Variants in CYP1B1 observed in about 807,000 individuals in gnomAD.
CYP1B1 encodes the protein cytochrome P450 family 1 subfamily B member 1, also known as cytochrome P450 1B1.
A neutral mutation model predicts 29.9 loss-of-function variants in CYP1B1; 22 were observed. The ratio of observed to expected loss-of-function variants is 0.74; its 90% CI spans 0.53 to 1.05. The LOEUF (loss-of-function observed/expected upper bound fraction) is 1.05. Among genes scored for constraint, CYP1B1 ranks in the 50% least tolerant of loss-of-function variants. The pLI, the probability that CYP1B1 is intolerant of heterozygous loss-of-function variation, is 0.00. For synonymous variants in CYP1B1, 375 were observed against 320.0 expected (o/e 1.17, Z -1.83); for missense variants, 883 against 746.9 (o/e 1.18, Z -2.12).
At chr2:38,071,559 T>C (rs1682433755) in intron 2 of CYP1B1, among the ~76,000 whole-genome samples, 1 of 152,202 alleles carries the variant, frequency 6.6e-6, no homozygotes, top group Non-Finnish European at 1.5e-5. Context: ...TTTCCCATTA[T>C]AAGTCAAAAA....
chr2:38,072,449 T>C (rs1034842914), intron 2 of CYP1B1, among the ~76,000 whole-genome samples: 1 of 152,128 alleles, frequency 6.6e-6, no homozygotes, highest in Non-Finnish European at 1.5e-5. Context: ...TGATTATATA[T>C]AACTATACAT....
At position 38,074,489 on chromosome 2, in the gene CYP1B1, C is replaced by A; in HGVS notation, c.900G>T (p.Ala300=). ...GCGAGTCCCCGGCCGCCTTCTTTTC[C>A]GCAGAGAGGATAAAGGCGTCCATCA... ...RDMMDAFILS[A]EKKAAGDSHG... The change falls in exon 2 of 3, where the codon GCG becomes GCT. Residue 300 remains alanine, a synonymous_variant. Transcript: ENST00000610745. 7 of 1,612,032 alleles carry A rather than the reference C, an allele frequency of 4.3e-6. No individual in the cohort carries two copies. The highest frequency in any genetic ancestry group is 5.9e-6 in the Non-Finnish European group (7 of 1,179,378).
At chr2:38,074,231 G>A (rs1047026651) in intron 2 of CYP1B1, 115 bp downstream of exon 2, 1 of 1,161,200 alleles carries the variant, frequency 8.6e-7, no homozygotes, top group East Asian at 2.5e-5. Flanking sequence ...GAGGGGTGGG[G>A]ACCTGGAGCG....
rs973066999 is a variant in CYP1B1 at position 38,070,292 on chromosome 2, T to G, written c.*430A>C. ...CAACAATATACTCTGAAACTTTGTT[T>G]AATATACTTTTTGTCTATTTCTGCA... On this transcript the variant is annotated 3_prime_UTR_variant, in exon 3 of 3. Transcript: ENST00000610745. 7 of 265,894 alleles carry G rather than the reference T, an allele frequency of 2.6e-5. No individual in the cohort carries two copies. Among genetic ancestry groups the G allele is most frequent in the African/African-American group, 1.5e-4 (7 of 45,976 alleles). The allele number at this position is 265,894 out of a possible 1,614,324, so 16.5% of individuals were successfully genotyped here.
In CYP1B1 at chr2:38,074,543, G is replaced by T. The variant is rs751000368; in HGVS notation, c.846C>A (p.Ser282Arg). ...CGCGGGGGGCGGCCCCGGGCCGAAG[G>T]CTTTCGCAGTGCCTCAAGAACTTGT... ...ILDKFLRHCE[S>R]LRPGAAPRDM... The change falls in exon 2 of 3, where the codon AGC (serine) becomes AGA (arginine). Residue 282 changes from serine to arginine, a missense_variant. Coordinates refer to ENST00000610745, the MANE Select transcript of CYP1B1 (RefSeq NM_000104.4). 6 of 1,608,668 alleles carry T rather than the reference G, an allele frequency of 3.7e-6. No homozygotes were observed. In the East Asian group the frequency reaches 1.3e-4, roughly 36 times the overall value.
chr2:38,070,984 G>T lies in CYP1B1; in HGVS notation c.1370C>A (p.Thr457Asn). The change falls in exon 3 of 3, where the codon ACC (threonine) becomes AAC (asparagine). Residue 457 changes from threonine (T) to asparagine (N), a missense_variant. Thr to Asn is a moderately conservative substitution (Grantham distance 65). Coordinates refer to ENST00000610745, the MANE Select transcript of CYP1B1 (RefSeq NM_000104.4). ...DKDGLINKDL[T>N]SRVMIFSVGK... ...CACTGAAAAAATCATCACTCTGCTG[G>T]TCAGGTCCTTGTTGATGAGGCCATC... is the stretch of plus-strand genomic sequence containing the variant. 6.2e-7 allele frequency: 1 copy of T among 1,614,074 alleles called. No homozygotes were observed. The highest frequency in any genetic ancestry group is 1.1e-5 in the South Asian group (1 of 91,086).
chr2:38,074,748 T>C lies in CYP1B1; in HGVS notation c.641A>G (p.Tyr214Cys). The C allele has an allele frequency of 6.2e-7, 1 of 1,602,944 alleles. No individual in the cohort carries two copies. Among genetic ancestry groups the C allele is most frequent in the South Asian group, 1.1e-5 (1 of 89,462 alleles). Residue 214 changes from tyrosine to cysteine, a missense_variant, in exon 2 of 3, where the codon TAC becomes TGC. Physicochemically the swap from Tyr to Cys is radical, Grantham distance 194. Transcript: ENST00000610745. The part of the protein sequence containing the change: ...VMSAVCFGCR[Y>C]SHDDPEFREL... ...ACGGAACTCGGGGTCGTCGTGGCTG[T>C]AGCGGCAGCCGAAACACACGGCACT... is the stretch of plus-strand genomic sequence containing the variant.
intron 2 of CYP1B1, among the ~76,000 whole-genome samples, 185 bp from the exon 3 acceptor site, chr2:38,071,495 A>G (rs1456355318): frequency 4.6e-5 from 7 of 152,254 alleles, no homozygotes; most frequent in Non-Finnish European, 8.8e-5. Context: ...AAATTACAAG[A>G]TGGACTTTAA....
In CYP1B1 at chr2:38,075,395, G is replaced by A. The variant is rs1346161950; in HGVS notation, c.-1-6C>T. 6.2e-7 allele frequency: 1 copy of A among 1,611,592 alleles called. No individual in the cohort carries two copies. The highest frequency in any genetic ancestry group is 1.3e-5 in the African/African-American group (1 of 75,046). On this transcript the variant is annotated splice_region_variant and splice_polypyrimidine_tract_variant and intron_variant, in intron 1 of 2. Transcript: ENST00000610745. The stretch of plus-strand genomic sequence containing the variant: ...GGCTGAGGCTGGTGCCCATGCTGGG[G>A]ACAGAGAGGAGAAGGCGTGACACTC...
At position 38,069,006 on chromosome 2, in the gene CYP1B1, T is replaced by C. The variant is rs1294330554; in HGVS notation, c.*1716A>G. On this transcript the variant is annotated 3_prime_UTR_variant, in exon 3 of 3. Coordinates refer to ENST00000610745, the MANE Select transcript of CYP1B1 (RefSeq NM_000104.4). The stretch of plus-strand genomic sequence containing the variant: ...TTCCAAAAAGCTTAATAAAATGTAA[T>C]AAGCACTTAGCACTTAGGACACTGT... The C allele has an allele frequency of 4.4e-6, 1 of 226,630 alleles. No individual in the cohort carries two copies. Among genetic ancestry groups the C allele is most frequent in the Non-Finnish European group, 8.8e-6 (1 of 113,968 alleles). The allele number at this position is 226,630 out of a possible 1,614,324, so 14.0% of individuals were successfully genotyped here.
In CYP1B1 at chr2:38,074,592, C is replaced by A. The variant is rs9341250; in HGVS notation, c.797G>T (p.Arg266Leu). Residue 266 changes from arginine to leucine, a missense_variant, in exon 2 of 3, where the codon CGC becomes CTC. Physicochemically the swap from Arg to Leu is moderately radical, Grantham distance 102 (BLOSUM62 -2). Transcript: ENST00000610745. ...GTCCAGGATGAAGTTGCTGAAGTTGCGGTTGAGCTGCTCGAATTCGCGGAA... is the reference window on the plus strand; with the variant it reads ...GTCCAGGATGAAGTTGCTGAAGTTGAGGTTGAGCTGCTCGAATTCGCGGAA... ...TVFREFEQLN[R>L]NFSNFILDKF... The A allele has an allele frequency of 6.2e-7, 1 of 1,612,644 alleles. No homozygotes were observed.
chr2:38,073,491 G>A (rs1033805775), intron 2 of CYP1B1: 2 of 152,230 alleles, frequency 1.3e-5, no homozygotes, highest in Admixed American at 6.5e-5. Context: ...ATCTTTTAGT[G>A]TGAGTATTCC....
rs147535955 is a variant in CYP1B1, at chr2:38,070,942, A to G, written c.1412T>C (p.Ile471Thr). ...CTGCATCTTAGAAAGTTCTTCGCCA[A>G]TGCACCGCCTTTTGCCCACTGAAAA... ...MIFSVGKRRCIGEELSKMQLF... is the reference protein window; with the variant it reads ...MIFSVGKRRCTGEELSKMQLF... The change falls in exon 3 of 3, where the codon ATT (isoleucine) becomes ACT (threonine). Residue 471 changes from isoleucine to threonine, a missense_variant. Transcript: ENST00000610745. 2.5e-6 allele frequency: 4 copies of G among 1,614,050 alleles called. No individual in the cohort carries two copies. The African/African-American group carries it at 4.0e-5, about 16-fold the overall frequency.
At position 38,075,046 on chromosome 2, in the gene CYP1B1, C is replaced by T. The variant is rs764338357; in HGVS notation, c.343G>A (p.Ala115Thr). ...AAGGAGGCGAAGGCCGGCCGGTCGG[C>T]GAAGGCCGAGCCCTGCTGCACCAGG... ...QALVQQGSAFADRPAFASFRV... is the reference protein window; with the variant it reads ...QALVQQGSAFTDRPAFASFRV... Residue 115 changes from alanine (A) to threonine (T), a missense_variant, in exon 2 of 3, where the codon GCC becomes ACC. Coordinates refer to ENST00000610745, the MANE Select transcript of CYP1B1 (RefSeq NM_000104.4). 2 of 1,587,226 alleles carry T rather than the reference C, an allele frequency of 1.3e-6. No homozygotes were observed. The highest frequency in any genetic ancestry group is 1.1e-5 in the South Asian group (1 of 89,394).
rs765362518 is a variant in CYP1B1 at position 38,075,129 on chromosome 2, A to T, written c.260T>A (p.Ile87Asn). 1.3e-6 allele frequency: 2 copies of T among 1,578,768 alleles called. No individual in the cohort carries two copies. Among genetic ancestry groups the T allele is most frequent in the Non-Finnish European group, 1.7e-6 (2 of 1,170,082 alleles). Residue 87 changes from isoleucine to asparagine, a missense_variant, in exon 2 of 3, where the codon ATC becomes AAC. Physicochemically the swap from Ile to Asn is moderately radical, Grantham distance 149 (BLOSUM62 -3). Transcript: ENST00000610745. ...CACTATGGGGCAGCTGCCCAGGCGG[A>T]TCTGGAAAACGTCGCCGTAGCGCCG... Reference protein sequence around the residue: ...LARRYGDVFQIRLGSCPIVVL... With the variant: ...LARRYGDVFQNRLGSCPIVVL...
chr2:38,073,099 T>G (rs1682461231), intron 2 of CYP1B1, among the ~76,000 whole-genome samples: 1 of 152,254 alleles, frequency 6.6e-6, no homozygotes, highest in African/African-American at 2.4e-5. Context: ...GATCTCTGGT[T>G]GACTTTTCTT....
Position 38,075,253 on chromosome 2 carries a change from G to T in CYP1B1, c.136C>A (p.Gln46Lys). The change falls in exon 2 of 3, where the codon CAG becomes AAG. Residue 46 changes from glutamine (Q) to lysine (K), a missense_variant. Coordinates refer to ENST00000610745, the MANE Select transcript of CYP1B1 (RefSeq NM_000104.4). ...GGGCCCGGGGGCGCGGACCGGAGCT[G>T]CCGCCTCCGTTGCCTCAGCAGCCGC... ...GQRLLRQRRR[Q>K]LRSAPPGPFA... The T allele has an allele frequency of 1.3e-6, 2 of 1,598,322 alleles. No homozygotes were observed. The highest frequency in any genetic ancestry group is 1.7e-6 in the Non-Finnish European group (2 of 1,176,084).
At position 38,068,942 on chromosome 2, in the gene CYP1B1, C is replaced by T. The variant is rs1406369497; in HGVS notation, c.*1780G>A. The T allele has an allele frequency of 4.4e-6, 1 of 227,816 alleles. No homozygotes were observed. The highest frequency in any genetic ancestry group is 2.2e-5 in the African/African-American group (1 of 45,010). The allele number at this position is 227,816 out of a possible 1,614,324, so 14.1% of individuals were successfully genotyped here. On this transcript the variant is annotated 3_prime_UTR_variant, in exon 3 of 3. Coordinates refer to ENST00000610745, the MANE Select transcript of CYP1B1 (RefSeq NM_000104.4). ...CCACCCCACACACACATACACACAACTATCAAAAACTCCCTTTTTTAAAAT... is the reference window on the plus strand; with the variant it reads ...CCACCCCACACACACATACACACAATTATCAAAAACTCCCTTTTTTAAAAT...
In CYP1B1 at chr2:38,070,633, C is replaced by T. The variant is rs560006487; in HGVS notation, c.*89G>A. On this transcript the variant is annotated 3_prime_UTR_variant, in exon 3 of 3. Coordinates refer to ENST00000610745, the MANE Select transcript of CYP1B1 (RefSeq NM_000104.4). Reference sequence around the variant, plus strand: ...ACCTTAAACGCTAATTGAGAAGCAGCACAAAAGAGGAACTGGAAAAAAACT... The same window carrying T: ...ACCTTAAACGCTAATTGAGAAGCAGTACAAAAGAGGAACTGGAAAAAAACT... 1.5e-4 allele frequency: 167 copies of T among 1,151,252 alleles called. No homozygotes were observed. The African/African-American group carries it at 1.9e-3, about 13-fold the overall frequency. The allele number at this position is 1,151,252 out of a possible 1,614,324, so 71.3% of individuals were successfully genotyped here. A position where few individuals can be genotyped will look rare whatever the true frequency, so the allele number is the denominator to read the frequency against.
Sources: gnomAD v4.1 joint callset for allele counts (sites outside exome capture counted in the v4.1 genomes callset) on GRCh38, gnomAD v4.1.1 for gene constraint, MANE v1.5 for transcripts, NCBI Gene and HGNC (gene_info 2026-07-23, HGNC 2026-07-21) for gene names.